Variants in SNX8 observed in about 807,000 individuals in gnomAD.
SNX8 encodes the protein sorting nexin 8.
In SNX8, 25 loss-of-function variants were observed where a neutral mutation model predicts 51.6. The ratio of observed to expected loss-of-function variants is 0.48; its 90% CI spans 0.35 to 0.68. The LOEUF (loss-of-function observed/expected upper bound fraction) is 0.68. SNX8 is among the 30% of genes least tolerant of loss of function. SNX8 has a pLI of 0.00. For missense variants in SNX8, 695 were observed against 624.0 expected (o/e 1.11, Z -1.21); for synonymous variants, 324 against 277.0 (o/e 1.17, Z -1.68).
intron 1 of SNX8, among the ~76,000 whole-genome samples, chr7:2,309,516 G>A (rs761108487): frequency 6.6e-6 from 1 of 152,060 alleles, no homozygotes; most frequent in South Asian, 2.1e-4. Flanking sequence ...CAGATCACCT[G>A]AGGTTGGGAG....
At chr7:2,263,397 A>G in intron 6 of SNX8, 35 bp from the exon 7 acceptor site, 1 of 1,553,024 alleles carries the variant, frequency 6.4e-7, no homozygotes. Context: ...GGAGACACTC[A>G]AGGCCTGGAG....
chr7:2,327,550 T>G (rs139233634), intron 1 of SNX8, among the ~76,000 whole-genome samples: 4 of 151,858 alleles, frequency 2.6e-5, no homozygotes, highest in Non-Finnish European at 4.4e-5. Context: ...TGGGACTACA[T>G]GTGCCCGCCA....
intron 1 of SNX8, among the ~76,000 whole-genome samples, chr7:2,348,924 C>T (rs1193435713): frequency 1.4e-5 from 2 of 142,608 alleles, no homozygotes; most frequent in Non-Finnish European, 3.0e-5. Context: ...GCACTCCAGC[C>T]TGGGCAACAC....
At chr7:2,314,559 G>GGCCC, upstream of SNX8, 1 of 884,436 alleles carries the variant, frequency 1.1e-6, no homozygotes, top group Non-Finnish European at 1.4e-6. Flanking sequence ...CGCCCCTGCG[G>GGCCC]GCCCGCCGCG....
At chr7:2,317,180 G>A (rs191034363), upstream of SNX8, among the ~76,000 whole-genome samples, 11 of 148,018 alleles carry the variant, frequency 7.4e-5, no homozygotes, top group African/African-American at 2.7e-4. Context: ...CTAAAAGTGT[G>A]GGGTTTGGCA....
chr7:2,285,539 C>T (rs934609781), intron 1 of SNX8, among the ~76,000 whole-genome samples: 5 of 152,186 alleles, frequency 3.3e-5, no homozygotes, highest in East Asian at 1.9e-4. Flanking sequence ...ACAGCAGGAA[C>T]GCCCCTCGAA....
chr7:2,351,277 G>T (rs1583132572), intron 1 of SNX8, among the ~76,000 whole-genome samples: 1 of 152,174 alleles, frequency 6.6e-6, no homozygotes, highest in Non-Finnish European at 1.5e-5. Context: ...ACCAGCGGAG[G>T]CCAGGCCTGC....
chr7:2,280,888 G>A (rs1291654213), intron 1 of SNX8, among the ~76,000 whole-genome samples: 2 of 151,740 alleles, frequency 1.3e-5, no homozygotes, highest in African/African-American at 4.8e-5. Flanking sequence ...CACCTCCCGG[G>A]TTCAAGCAAT....
At chr7:2,269,523 T>TAAAAAAAAAAAAAAAA in intron 5 of SNX8, 36 bp downstream of exon 5, 2 of 893,732 alleles carry the variant, frequency 2.2e-6, no homozygotes, top group Non-Finnish European at 3.0e-6. Context: ...AAAAATAAAT[T>TAAAAAAAAAAAAAAAA]AAAAAAAAAA....
At chr7:2,326,601 G>A (rs1438191659) in intron 1 of SNX8, among the ~76,000 whole-genome samples, 1 of 152,006 alleles carries the variant, frequency 6.6e-6, no homozygotes, top group East Asian at 1.9e-4. Context: ...AGGAGGCAGA[G>A]CTTGCAGTGA....
intron 1 of SNX8, among the ~76,000 whole-genome samples, chr7:2,338,319 G>A (rs71522294): frequency 0.74 from 111,282 of 151,180 alleles, 41,074 homozygotes; most frequent in East Asian, 0.85. Context: ...AAAATTAGCC[G>A]GGCACGGTGG....
At chr7:2,317,144 G>T (rs1302106297), upstream of SNX8, among the ~76,000 whole-genome samples, 1 of 151,182 alleles carries the variant, frequency 6.6e-6, no homozygotes, top group Non-Finnish European at 1.5e-5. Context: ...TGAGACATCA[G>T]CTGCAGATGC....
At chr7:2,317,312 T>TCTGTTGC (rs1796773306), upstream of SNX8, among the ~76,000 whole-genome samples, 1 of 130,984 alleles carries the variant, frequency 7.6e-6, no homozygotes, top group Non-Finnish European at 1.6e-5. Context: ...AGAGTCTCAC[T>TCTGTTGC]CTGTTGCCTG....
intron 1 of SNX8, among the ~76,000 whole-genome samples, chr7:2,300,199 C>T (rs995424874): frequency 3.3e-5 from 5 of 152,098 alleles, no homozygotes; most frequent in Non-Finnish European, 5.9e-5. Context: ...TCTTACAGAC[C>T]CCAAAACTCC....
chr7:2,338,151 C>A (rs1183707290), intron 1 of SNX8, among the ~76,000 whole-genome samples: 1 of 152,016 alleles, frequency 6.6e-6, no homozygotes, highest in African/African-American at 2.4e-5. Flanking sequence ...TATGGCGAAA[C>A]CCCATCTCTA....
At chr7:2,310,236 TGACCTAAGAACA>T (rs1796634232) in intron 1 of SNX8, among the ~76,000 whole-genome samples, 1 of 152,110 alleles carries the variant, frequency 6.6e-6, no homozygotes, top group African/African-American at 2.4e-5. Flanking sequence ...TTGAGCTTCA[TGACCTAAGAACA>T]GGCCCTGAAA....
chr7:2,344,337 G>C (rs904972589), intron 1 of SNX8, among the ~76,000 whole-genome samples: 2 of 151,576 alleles, frequency 1.3e-5, no homozygotes, highest in Non-Finnish European at 2.9e-5. Context: ...AAAAATTATA[G>C]ACAGTGGCTC....
At chr7:2,280,696 T>C (rs1795888019) in intron 1 of SNX8, among the ~76,000 whole-genome samples, 1 of 152,156 alleles carries the variant, frequency 6.6e-6, no homozygotes, top group Non-Finnish European at 1.5e-5. Context: ...CTTCTTTAAC[T>C]CTCGATTGTC....
At chr7:2,351,648 G>T (rs967163077) in intron 1 of SNX8, among the ~76,000 whole-genome samples, 50 of 151,912 alleles carry the variant, frequency 3.3e-4, no homozygotes, top group African/African-American at 1.1e-3. Context: ...CTGACTAACA[G>T]GATGAAACCC....
Sources: allele counts gnomAD v4.1 joint callset (sites outside exome capture counted in the v4.1 genomes callset), GRCh38; gene constraint gnomAD v4.1.1; transcripts MANE v1.5; gene names NCBI Gene and HGNC (gene_info 2026-07-23, HGNC 2026-07-21).